Variants in EBF2 observed in about 807,000 individuals in gnomAD.
EBF2 encodes EBF transcription factor 2.
In EBF2, 21 loss-of-function variants were observed where a neutral mutation model predicts 72.8. That is an observed-to-expected ratio of 0.29 (90% CI 0.20 to 0.42). The LOEUF is 0.42. EBF2 is among the 10% of genes least tolerant of loss of function. The probability of loss-of-function intolerance (pLI) is 1.00; values close to 1 mark genes in which losing one functional copy is unlikely to be tolerated. For missense variants in EBF2, 637 were observed against 731.2 expected, an observed-to-expected ratio of 0.87 and a Z score of 1.49; for synonymous variants, 299 against 274.2, an observed-to-expected ratio of 1.09 and a Z score of -0.89.
intron 7 of EBF2, among the ~76,000 whole-genome samples, chr8:25,896,725 CA>C (rs1352116762): frequency 2.6e-5 from 4 of 152,146 alleles, no homozygotes; most frequent in Non-Finnish European, 5.9e-5. Context: ...GCTGCAGTTC[CA>C]TATTGCAAGG....
chr8:26,040,562 T>G (rs1805582438), intron 4 of EBF2, 54 bp downstream of exon 4: 1 of 1,520,884 alleles, frequency 6.6e-7, no homozygotes, highest in Non-Finnish European at 8.9e-7. Context: ...ACTGGGGGGT[T>G]TGGGGGTCGG....
chr8:26,018,496 CAA>C (rs10555042), intron 6 of EBF2, among the ~76,000 whole-genome samples: 875 of 81,620 alleles, frequency 0.011, 7 homozygotes, highest in African/African-American at 0.029. Flanking sequence ...ACTAAAAATA[CAA>C]AAAAAAAAAA....
At chr8:25,952,449 C>T (rs1585206322) in intron 6 of EBF2, among the ~76,000 whole-genome samples, 1 of 152,002 alleles carries the variant, frequency 6.6e-6, no homozygotes, top group East Asian at 1.9e-4. Flanking sequence ...AAAATAATTA[C>T]AGTAGGCCAA....
intron 10 of EBF2, among the ~76,000 whole-genome samples, chr8:25,878,250 T>C (rs774212250): frequency 1.3e-4 from 20 of 152,182 alleles, no homozygotes; most frequent in Non-Finnish European, 2.9e-4. Context: ...CACCTTGCCA[T>C]TGGAGGTGAG....
intron 6 of EBF2, among the ~76,000 whole-genome samples, chr8:26,005,750 G>A (rs1804869619): frequency 6.8e-6 from 1 of 147,878 alleles, no homozygotes; most frequent in African/African-American, 2.5e-5. Context: ...AAGATCACTT[G>A]AGCCTGGGAG....
intron 6 of EBF2, among the ~76,000 whole-genome samples, chr8:25,986,000 T>TCAAAAAAA (rs1804445979): frequency 1.2e-3 from 3 of 2,520 alleles, no homozygotes; most frequent in African/African-American, 1.6e-3. Flanking sequence ...AAACTCTGTC[T>TCAAAAAAA]CAAAAAAAAA....
intron 10 of EBF2, among the ~76,000 whole-genome samples, chr8:25,863,117 A>G (rs1043429123): frequency 2.0e-5 from 3 of 151,994 alleles, no homozygotes; most frequent in Admixed American, 1.3e-4. Flanking sequence ...CTACTTTTAT[A>G]TTATTTTCCT....
At chr8:25,895,261 C>T (rs1173459635) in intron 7 of EBF2, among the ~76,000 whole-genome samples, 1 of 152,186 alleles carries the variant, frequency 6.6e-6, no homozygotes, top group African/African-American at 2.4e-5. Context: ...GGACAAAGTA[C>T]CTTTAACCCA....
At chr8:26,039,886 A>T in intron 5 of EBF2, 142 bp downstream of exon 5, 1 of 787,830 alleles carries the variant, frequency 1.3e-6, no homozygotes, top group Non-Finnish European at 2.2e-6. Flanking sequence ...CCGTGGATCT[A>T]CACTCTGCGC....
intron 6 of EBF2, among the ~76,000 whole-genome samples, chr8:25,931,031 A>T (rs917244518): frequency 1.3e-5 from 2 of 152,206 alleles, no homozygotes; most frequent in Admixed American, 6.5e-5. Context: ...ACTTCAAACT[A>T]AATTTTTATT....
intron 6 of EBF2, among the ~76,000 whole-genome samples, chr8:25,946,911 C>G (rs1254934345): frequency 6.6e-6 from 1 of 151,964 alleles, no homozygotes; most frequent in Admixed American, 6.5e-5. Context: ...AGTCTATCAT[C>G]TCACAGAGTT....
Position 25,964,000 on chromosome 8 carries a change from TGAA to T in EBF2, c.552-55448_552-55446del, listed in dbSNP as rs10569636. On this transcript the variant is annotated intron_variant, in intron 6 of 15. Transcript: ENST00000520164. ...GGATATCAGGTTTCCTTGCTGCTGA[TGAA>T]GCACTGTCTATATAGAAGGCTCCTA... is the stretch of plus-strand genomic sequence containing the variant. Among the ~76,000 whole-genome samples, 972 of 152,294 alleles carry T rather than the reference TGAA, an allele frequency of 6.4e-3. 12 individuals carry two copies. Among genetic ancestry groups the T allele is most frequent in the African/African-American group, 0.022 (925 of 41,550 alleles).
At chr8:26,029,635 A>T (rs1805365465) in intron 6 of EBF2, among the ~76,000 whole-genome samples, 1 of 152,302 alleles carries the variant, frequency 6.6e-6, no homozygotes, top group African/African-American at 2.4e-5. Flanking sequence ...GAGAAAACGC[A>T]AAGACAGACA....
At chr8:25,919,296 G>T (rs911508089) in intron 6 of EBF2, among the ~76,000 whole-genome samples, 14 of 152,172 alleles carry the variant, frequency 9.2e-5, no homozygotes, top group Admixed American at 7.9e-4. Flanking sequence ...GGCAAGGGAA[G>T]CTTAGTGGTC....
intron 6 of EBF2, among the ~76,000 whole-genome samples, chr8:25,909,643 G>T (rs1031138911): frequency 4.6e-5 from 7 of 152,206 alleles, no homozygotes; most frequent in African/African-American, 1.7e-4. Context: ...TAAAGCAATG[G>T]TTGGTGAAAT....
At chr8:26,016,393 C>A (rs1805111432) in intron 6 of EBF2, among the ~76,000 whole-genome samples, 1 of 152,202 alleles carries the variant, frequency 6.6e-6, no homozygotes, top group Non-Finnish European at 1.5e-5. Flanking sequence ...CTACTCAACC[C>A]AGTTGCATTC....
intron 10 of EBF2, among the ~76,000 whole-genome samples, chr8:25,867,726 T>C (rs1251566687): frequency 6.6e-6 from 1 of 152,164 alleles, no homozygotes; most frequent in African/African-American, 2.4e-5. Context: ...GCTTTAAATA[T>C]CCAACTGTTG....
At chr8:25,857,964 C>G in intron 14 of EBF2, 4 of 385,344 alleles carry the variant, frequency 1.0e-5, no homozygotes, top group Non-Finnish European at 1.5e-5. Context: ...TCGAAAAGTT[C>G]TTATGGAGAT....
chr8:26,020,830 C>T (rs2117244331), intron 6 of EBF2, among the ~76,000 whole-genome samples: 1 of 152,230 alleles, frequency 6.6e-6, no homozygotes, highest in African/African-American at 2.4e-5. Context: ...CTGTGCCTTG[C>T]CAGCTGGAGG....
Sources: allele counts gnomAD v4.1 joint callset (sites outside exome capture counted in the v4.1 genomes callset), GRCh38; gene constraint gnomAD v4.1.1; transcripts MANE v1.5; gene names NCBI Gene and HGNC (gene_info 2026-07-23, HGNC 2026-07-21).